The following PAK3 variants were observed in gnomAD, a reference collection of about 807,000 sequenced individuals.
The protein encoded by PAK3 is p21 (RAC1) activated kinase 3, also known as serine/threonine-protein kinase PAK 3.
In PAK3, 4 loss-of-function variants were observed where a neutral mutation model predicts 41.0. The ratio of observed to expected loss-of-function variants is 0.10; its 90% CI spans 0.05 to 0.22. The LOEUF is 0.22. Ranked by LOEUF, PAK3 falls within the 10% of genes least tolerant of loss-of-function variation. The pLI is 1.00. For synonymous variants in PAK3, 146 were observed against 139.6 expected, an observed-to-expected ratio of 1.05 and a Z score of -0.32; for missense variants, 205 against 409.9, an observed-to-expected ratio of 0.50 and a Z score of 4.32.
intron 4 of PAK3, among the ~76,000 whole-genome samples, chrX:111,107,986 G>C (rs761306804): frequency 8.9e-6 from 1 of 112,083 alleles, no homozygotes; most frequent in Non-Finnish European, 1.9e-5. Context: ...TAGGCCCAGA[G>C]ATTCAAATGG....
At chrX:111,094,679 C>CTTTT (rs762547955), upstream of PAK3, among the ~76,000 whole-genome samples, 30 of 45,074 alleles carry the variant, frequency 6.7e-4, no homozygotes, top group African/African-American at 1.6e-3. Flanking sequence ...ATCTGTAGCT[C>CTTTT]TTTTTTTTTT....
At chrX:111,030,977 C>T (rs1212450792) in intron 1 of PAK3, among the ~76,000 whole-genome samples, 1 of 111,558 alleles carries the variant, frequency 9.0e-6, no homozygotes, top group Non-Finnish European at 1.9e-5. Context: ...CAACTAACTC[C>T]ACAGAACCCA....
chrX:111,078,054 A>G (rs1375652141), intron 1 of PAK3, among the ~76,000 whole-genome samples: 1 of 112,068 alleles, frequency 8.9e-6, no homozygotes, highest in Non-Finnish European at 1.9e-5. Context: ...CAAGTATATG[A>G]AAAAAGCTCA....
intron 5 of PAK3, 84 bp downstream of exon 5, chrX:111,123,362 G>C: frequency 1.2e-6 from 1 of 857,535 alleles, no homozygotes; most frequent in Non-Finnish European, 1.7e-6. Context: ...TGTTTCTTGA[G>C]GATTGACTGT....
chrX:111,122,830 A>G (rs1013784655), intron 4 of PAK3, among the ~76,000 whole-genome samples: 2 of 111,696 alleles, frequency 1.8e-5, no homozygotes, highest in African/African-American at 6.5e-5. Context: ...AGGGACTTAC[A>G]TATTTTTATA....
At chrX:111,194,086 G>T (rs1304302323) in intron 13 of PAK3, among the ~76,000 whole-genome samples, 1 of 111,444 alleles carries the variant, frequency 9.0e-6, no homozygotes, top group Admixed American at 9.5e-5. Context: ...CAGGTGATTT[G>T]AATAACCTCA....
intron 4 of PAK3, among the ~76,000 whole-genome samples, chrX:111,115,200 A>C (rs773845901): frequency 4.4e-5 from 5 of 112,415 alleles, no homozygotes; most frequent in African/African-American, 1.6e-4. Flanking sequence ...ACCAGGTAGT[A>C]AAATAATAAG....
intron 1 of PAK3, among the ~76,000 whole-genome samples, chrX:111,028,386 A>C (rs2092301784): frequency 9.1e-6 from 1 of 110,356 alleles, no homozygotes; most frequent in African/African-American, 3.3e-5. Flanking sequence ...TTCCCCAAAA[A>C]CGTATTGAAA....
intron 1 of PAK3, among the ~76,000 whole-genome samples, chrX:111,042,858 T>C (rs1358422248): frequency 8.9e-6 from 1 of 112,380 alleles, no homozygotes; most frequent in Non-Finnish European, 1.9e-5. Context: ...ATCTGTTTTA[T>C]GTCCCTTTCC....
intron 10 of PAK3, 151 bp downstream of exon 10, chrX:111,163,878 T>C: frequency 2.0e-6 from 1 of 501,484 alleles, no homozygotes; most frequent in Non-Finnish European, 3.6e-6. Flanking sequence ...ACTCACTGCA[T>C]ATGCCAGAAC....
intron 1 of PAK3, among the ~76,000 whole-genome samples, chrX:110,992,968 A>G (rs1356640877): frequency 1.8e-5 from 2 of 111,409 alleles, no homozygotes; most frequent in Non-Finnish European, 3.8e-5. Context: ...AGTAACTCCT[A>G]TTATAGAATG....
chrX:111,212,551 G>T (rs925677199), intron 16 of PAK3, among the ~76,000 whole-genome samples: 1 of 111,757 alleles, frequency 8.9e-6, no homozygotes, highest in Non-Finnish European at 1.9e-5. Context: ...AGCCAGTTTA[G>T]CCCATATATA....
intron 1 of PAK3, among the ~76,000 whole-genome samples, chrX:110,950,621 C>A (rs765500090): frequency 2.7e-5 from 3 of 111,670 alleles, no homozygotes; most frequent in Non-Finnish European, 5.6e-5. Flanking sequence ...GTTCCGCTCC[C>A]TGTGTATTTT....
intron 4 of PAK3, among the ~76,000 whole-genome samples, chrX:111,103,625 C>G (rs1032098496): frequency 1.8e-5 from 2 of 112,060 alleles, no homozygotes; most frequent in Admixed American, 9.4e-5. Flanking sequence ...GACATGCTTC[C>G]CATCAAGCTG....
intron 10 of PAK3, 126 bp from the exon 11 acceptor site, chrX:111,172,892 G>A: frequency 1.9e-6 from 1 of 517,553 alleles, no homozygotes; most frequent in Non-Finnish European, 3.5e-6. Flanking sequence ...TGTTTTATTT[G>A]TCACTGACTC....
At chrX:111,024,833 C>T (rs1479024641) in intron 1 of PAK3, among the ~76,000 whole-genome samples, 1 of 111,421 alleles carries the variant, frequency 9.0e-6, no homozygotes, top group African/African-American at 3.3e-5. Context: ...TACCCAACAA[C>T]TTCAGAATAT....
rs1338828648 is a variant in PAK3, at chrX:111,126,951, A to G, written c.175+3673A>G. Among the ~76,000 whole-genome samples the G allele has an allele frequency of 2.7e-5, 3 of 111,325 alleles. No homozygotes were observed. In the Admixed American group the frequency reaches 2.9e-4, roughly 11 times the overall value. ...TTGTCTCATCATAAATTGTTCATCA[A>G]TGTCAAAAACTTGGAAAATAAAGAT... On this transcript the variant is annotated intron_variant, in intron 5 of 17. Coordinates refer to ENST00000372007, the MANE Select transcript of PAK3 (RefSeq NM_002578.5).
chrX:111,028,016 T>C (rs192797409), intron 1 of PAK3, among the ~76,000 whole-genome samples: 1,241 of 104,165 alleles, frequency 0.012, 25 homozygotes, highest in African/African-American at 0.042. Flanking sequence ...TATATATATA[T>C]ACATATATAT....
intron 1 of PAK3, among the ~76,000 whole-genome samples, chrX:110,979,951 A>G (rs1195219272): frequency 1.8e-5 from 2 of 112,000 alleles, no homozygotes; most frequent in Non-Finnish European, 3.8e-5. Flanking sequence ...ATTCAGGTGT[A>G]GGCAGAATTC....
Sources: gnomAD v4.1 joint callset for allele counts (sites outside exome capture counted in the v4.1 genomes callset) on GRCh38, gnomAD v4.1.1 for gene constraint, MANE v1.5 for transcripts, NCBI Gene and HGNC (gene_info 2026-07-23, HGNC 2026-07-21) for gene names.